EPHA5: variants seen among roughly 807,000 people sequenced by gnomAD.
EPHA5 encodes EPH receptor A5.
A neutral mutation model predicts 105.0 loss-of-function variants in EPHA5; 60 were observed. The ratio of observed to expected loss-of-function variants is 0.57; its 90% confidence interval spans 0.46 to 0.71. EPHA5 has a LOEUF of 0.71. EPHA5 is among the 30% of genes least tolerant of loss of function. The pLI, the probability that EPHA5 is intolerant of heterozygous loss-of-function variation, is 0.00. For synonymous variants in EPHA5, 513 were observed against 449.1 expected, an observed-to-expected ratio of 1.14 and a Z score of -1.80; for missense variants, 1,218 against 1,274.7, an observed-to-expected ratio of 0.96 and a Z score of 0.68.
At chr4:65,377,132 C>A (rs2148920681) in intron 8 of EPHA5, 5 of 1,421,888 alleles carry the variant, frequency 3.5e-6, no homozygotes, top group Non-Finnish European at 4.7e-6. Flanking sequence ...CATAAAGACA[C>A]TATGAATTTA....
chr4:65,461,514 T>A (rs561894287), intron 5 of EPHA5, among the ~76,000 whole-genome samples: 5 of 152,046 alleles, frequency 3.3e-5, no homozygotes, highest in Non-Finnish European at 5.9e-5. Flanking sequence ...TTCCTCAGCA[T>A]TATCTTTTGC....
chr4:65,362,577 T>C (rs551509628), intron 11 of EPHA5, among the ~76,000 whole-genome samples: 65 of 151,832 alleles, frequency 4.3e-4, no homozygotes, highest in African/African-American at 1.5e-3. Flanking sequence ...AGCAGAATAT[T>C]TGATTAAGAG....
intron 3 of EPHA5, among the ~76,000 whole-genome samples, chr4:65,497,743 A>G (rs1239495561): frequency 1.3e-5 from 2 of 152,036 alleles, no homozygotes; most frequent in African/African-American, 2.4e-5. Flanking sequence ...TATATCACAT[A>G]TAACACTGCT....
chr4:65,594,158 A>G (rs1007788032), intron 3 of EPHA5, among the ~76,000 whole-genome samples: 1 of 152,176 alleles, frequency 6.6e-6, no homozygotes, highest in Non-Finnish European at 1.5e-5. Flanking sequence ...TGTGAATTTT[A>G]AATATATAAA....
At chr4:65,573,753 G>C in intron 3 of EPHA5, 1 of 1,609,454 alleles carries the variant, frequency 6.2e-7, no homozygotes, top group South Asian at 1.1e-5. Flanking sequence ...AGTTGGTGGT[G>C]ACAAGAACGG....
chr4:65,503,804 G>A lies in EPHA5; in HGVS notation c.911-8261C>T, dbSNP rs183687162. Among the ~76,000 whole-genome samples, 13 of 151,164 alleles carry A rather than the reference G, an allele frequency of 8.6e-5. No homozygotes were observed. The East Asian group carries it at 2.1e-3, about 25-fold the overall frequency. The stretch of plus-strand genomic sequence containing the variant: ...TGTGGCAATCACTTATACATTACCC[G>A]TCACATATTTAGAAACACACTAATT... On this transcript the variant is annotated intron_variant, in intron 3 of 16. Transcript: ENST00000613740.
chr4:65,607,347 CT>C (rs1228443692), intron 2 of EPHA5, among the ~76,000 whole-genome samples: 1 of 151,960 alleles, frequency 6.6e-6, no homozygotes, highest in Non-Finnish European at 1.5e-5. Context: ...AATTAAAGAG[CT>C]TATGCACAGC....
At chr4:65,473,684 T>C (rs1175336528) in intron 5 of EPHA5, among the ~76,000 whole-genome samples, 64 of 152,048 alleles carry the variant, frequency 4.2e-4, no homozygotes, top group East Asian at 2.0e-4. Flanking sequence ...GGGATTACAA[T>C]TGAAGATGAG....
At chr4:65,614,750 G>A (rs1205045559) in intron 2 of EPHA5, among the ~76,000 whole-genome samples, 2 of 151,776 alleles carry the variant, frequency 1.3e-5, no homozygotes, top group South Asian at 2.1e-4. Flanking sequence ...GCTCCTGCTG[G>A]GAGTATATAT....
intron 2 of EPHA5, among the ~76,000 whole-genome samples, chr4:65,614,117 T>C (rs1745019082): frequency 6.6e-6 from 1 of 151,966 alleles, no homozygotes; most frequent in Non-Finnish European, 1.5e-5. Flanking sequence ...CCTACTGGCG[T>C]CTTCTGTCAA....
At chr4:65,638,103 T>C (rs1747315302) in intron 2 of EPHA5, among the ~76,000 whole-genome samples, 1 of 152,174 alleles carries the variant, frequency 6.6e-6, no homozygotes, top group Non-Finnish European at 1.5e-5. Flanking sequence ...TCTTAAGGCC[T>C]AAAGTTAAGA....
rs182211006 is a variant in EPHA5 at position 65,621,457 on chromosome 4, A to T, written c.247-19153T>A. ...ATTAGCACATAGTAAGTACATAATAATTTTTATGAATTAATATTAAAGCCT... is the reference window on the plus strand; with the variant it reads ...ATTAGCACATAGTAAGTACATAATATTTTTTATGAATTAATATTAAAGCCT... On this transcript the variant is annotated intron_variant, in intron 2 of 16. Coordinates refer to ENST00000613740, the MANE Select transcript of EPHA5 (RefSeq NM_001281766.3). Among the ~76,000 whole-genome samples the T allele has an allele frequency of 2.0e-5, 3 of 152,234 alleles. No homozygotes were observed. The East Asian group carries it at 5.8e-4, about 29-fold the overall frequency.
In EPHA5 at chr4:65,495,426, A is replaced by G; in HGVS notation, c.1028T>C (p.Phe343Ser). 1.2e-6 allele frequency: 2 copies of G among 1,613,766 alleles called. No individual in the cohort carries two copies. The highest frequency in any genetic ancestry group is 1.7e-6 in the Non-Finnish European group (2 of 1,179,774). ...STSCVCEKDY[F>S]RRESDPPTMA... is the part of the protein sequence containing the mutation. ...TGTGGGTGGATCAGACTCTCTCCTG[A>G]AATAATCCTTTTCACAGACACAAGA... Residue 343 changes from phenylalanine to serine, a missense_variant, in exon 4 of 17, where the codon TTC becomes TCC. Coordinates refer to ENST00000613740, the MANE Select transcript of EPHA5 (RefSeq NM_001281766.3).
intron 2 of EPHA5, among the ~76,000 whole-genome samples, chr4:65,605,681 G>C (rs1244971417): frequency 6.6e-6 from 1 of 151,910 alleles, no homozygotes; most frequent in East Asian, 1.9e-4. Context: ...TTGAGGCTAA[G>C]GTGCAACAGT....
chr4:65,444,402 T>C (rs2149092906), intron 5 of EPHA5, among the ~76,000 whole-genome samples: 1 of 152,306 alleles, frequency 6.6e-6, no homozygotes, highest in Admixed American at 6.5e-5. Flanking sequence ...TCTCATTTAA[T>C]CTTTATAAAA....
At chr4:65,469,623 G>C (rs1353858783) in intron 5 of EPHA5, among the ~76,000 whole-genome samples, 11 of 152,162 alleles carry the variant, frequency 7.2e-5, no homozygotes, top group African/African-American at 2.7e-4. Flanking sequence ...TCTTTGGAAA[G>C]AGGATCAGAT....
chr4:65,352,966 ACAG>A (rs1323247440), intron 12 of EPHA5, 73 bp downstream of exon 12: 13 of 1,001,052 alleles, frequency 1.3e-5, no homozygotes, highest in Non-Finnish European at 1.9e-5. Context: ...CTTCAACATC[ACAG>A]CATCATCATC....
At chr4:65,439,334 A>C (rs75421558) in intron 5 of EPHA5, among the ~76,000 whole-genome samples, 2,704 of 152,216 alleles carry the variant, frequency 0.018, 72 homozygotes, top group African/African-American at 0.061. Context: ...AGTTAGGTTA[A>C]TGTTTGTTCT....
intron 13 of EPHA5, 82 bp from the exon 14 acceptor site, chr4:65,348,285 G>C (rs1722415066): frequency 4.0e-6 from 5 of 1,257,354 alleles, no homozygotes; most frequent in Non-Finnish European, 5.5e-6. Flanking sequence ...AAAAGATCTA[G>C]ACAGAGATGT....
Sources: allele counts gnomAD v4.1 joint callset (sites outside exome capture counted in the v4.1 genomes callset), GRCh38; gene constraint gnomAD v4.1.1; transcripts MANE v1.5; gene names NCBI Gene and HGNC (gene_info 2026-07-23, HGNC 2026-07-21).